The following NAA11 variants were observed in gnomAD, a reference collection of about 807,000 sequenced individuals.
NAA11 encodes the protein N-alpha-acetyltransferase 11.
In NAA11, 15 loss-of-function variants were observed where a neutral mutation model predicts 16.1. The observed-to-expected ratio is 0.93, with a 90% CI of 0.62 to 1.44. The LOEUF is 1.44. Ranked by LOEUF, NAA11 falls within the 40% of genes most tolerant of loss-of-function variation. The probability of loss-of-function intolerance (pLI) is 0.00; values close to 1 mark genes in which losing one functional copy is unlikely to be tolerated. For synonymous variants in NAA11, 122 were observed against 112.4 expected, an observed-to-expected ratio of 1.09 and a Z score of -0.54; for missense variants, 298 against 291.3, an observed-to-expected ratio of 1.02 and a Z score of -0.17.
downstream of NAA11, among the ~76,000 whole-genome samples, chr4:79,314,886 C>T (rs1217404178): frequency 6.6e-6 from 1 of 151,990 alleles, no homozygotes; most frequent in Non-Finnish European, 1.5e-5. Context: ...ACATTTTATA[C>T]TATATACACT....
At chr4:79,280,809 T>TG (rs1324473590) in intron 2 of NAA11, among the ~76,000 whole-genome samples, 2 of 151,892 alleles carry the variant, frequency 1.3e-5, no homozygotes, top group East Asian at 3.9e-4. Flanking sequence ...CTGGACTGAG[T>TG]GGAAGTGTTC....
chr4:79,175,613 C>T, the NAA11 span, among the ~76,000 whole-genome samples: 22 of 152,034 alleles, frequency 1.4e-4, no homozygotes, highest in East Asian at 3.1e-3. Context: ...ACAATAAAAA[C>T]CCATGCAGTT....
At chr4:79,218,398 A>G in the NAA11 span, among the ~76,000 whole-genome samples, 1 of 151,738 alleles carries the variant, frequency 6.6e-6, no homozygotes, top group African/African-American at 2.4e-5. Context: ...TGGTGACTAT[A>G]TATTTAGCTG....
intron 2 of NAA11, among the ~76,000 whole-genome samples, chr4:79,285,119 C>A (rs565638609): frequency 1.3e-5 from 2 of 152,098 alleles, no homozygotes; most frequent in African/African-American, 4.8e-5. Context: ...ACGCTAACAC[C>A]TGTCAGCATG....
intron 1 of NAA11, among the ~76,000 whole-genome samples, chr4:79,309,816 C>T (rs1468324769): frequency 1.4e-5 from 2 of 145,752 alleles, no homozygotes; most frequent in East Asian, 4.6e-4. Flanking sequence ...CCCGGGTTCA[C>T]GCCATTCTTC....
At chr4:79,236,907 A>C (rs1721583349) in intron 2 of NAA11, among the ~76,000 whole-genome samples, 1 of 152,112 alleles carries the variant, frequency 6.6e-6, no homozygotes, top group Admixed American at 6.5e-5. Context: ...CCGCATGCTA[A>C]GTATTATTGA....
At chr4:79,299,606 A>G (rs1723329517) in intron 1 of NAA11, 2 of 152,196 alleles carry the variant, frequency 1.3e-5, no homozygotes, top group South Asian at 4.1e-4. Flanking sequence ...TTTATTATAT[A>G]TCAGTTGACA....
At chr4:79,214,751 T>C in the NAA11 span, among the ~76,000 whole-genome samples, 1 of 152,100 alleles carries the variant, frequency 6.6e-6, no homozygotes, top group Non-Finnish European at 1.5e-5. Context: ...TGAGCCGAGA[T>C]GGCGCCACTG....
At chr4:79,297,150 C>T (rs569246290) in intron 1 of NAA11, among the ~76,000 whole-genome samples, 1 of 152,302 alleles carries the variant, frequency 6.6e-6, no homozygotes, top group East Asian at 1.9e-4. Context: ...TCGCCTGCCA[C>T]CGTTGTGGGG....
chr4:79,266,598 C>T (rs767965020), intron 2 of NAA11, among the ~76,000 whole-genome samples: 1 of 152,206 alleles, frequency 6.6e-6, no homozygotes, highest in Non-Finnish European at 1.5e-5. Context: ...AAAGCTCTCA[C>T]AGAAGCTGAC....
intron 1 of NAA11, among the ~76,000 whole-genome samples, chr4:79,305,890 G>T (rs1723566463): frequency 6.6e-6 from 1 of 151,986 alleles, no homozygotes; most frequent in African/African-American, 2.4e-5. Context: ...CATCCCCTTT[G>T]AAATTAATTA....
intron 2 of NAA11, among the ~76,000 whole-genome samples, chr4:79,266,016 T>C (rs1217307611): frequency 6.6e-6 from 1 of 152,198 alleles, no homozygotes; most frequent in Non-Finnish European, 1.5e-5. Flanking sequence ...GAAAACTCAG[T>C]ATCAACCTCA....
chr4:79,184,720 C>T, the NAA11 span, among the ~76,000 whole-genome samples: 5 of 152,150 alleles, frequency 3.3e-5, no homozygotes, highest in African/African-American at 1.2e-4. Flanking sequence ...ACGCTAGGAA[C>T]TCCCCTTCCC....
the NAA11 span, among the ~76,000 whole-genome samples, chr4:79,169,022 A>G: frequency 6.6e-6 from 1 of 152,212 alleles, no homozygotes; most frequent in Non-Finnish European, 1.5e-5. Context: ...CAAAGGGAAT[A>G]AAATACCTAG....
chr4:79,242,971 A>G (rs924426135), intron 2 of NAA11, among the ~76,000 whole-genome samples: 1 of 152,250 alleles, frequency 6.6e-6, no homozygotes, highest in African/African-American at 2.4e-5. Flanking sequence ...AAGGAAGCCC[A>G]CTGCTTACTG....
chr4:79,189,625 A>C, the NAA11 span, among the ~76,000 whole-genome samples: 1 of 152,178 alleles, frequency 6.6e-6, no homozygotes, highest in Non-Finnish European at 1.5e-5. Flanking sequence ...GTATAGCTGC[A>C]GGTGCACACT....
chr4:79,260,353 A>G lies in NAA11; in HGVS notation c.*122+33652T>C, dbSNP rs548888684. ...TAATGTGAGGATCTTGGAAGGTGGAAAAACTATGCTGCCACCACAGCTGCC... is the reference window on the plus strand; with the variant it reads ...TAATGTGAGGATCTTGGAAGGTGGAGAAACTATGCTGCCACCACAGCTGCC... On this transcript the variant is annotated intron_variant and NMD_transcript_variant, in intron 2 of 2. Coordinates refer to the NAA11 transcript ENST00000511542. Among the ~76,000 whole-genome samples the G allele has an allele frequency of 5.3e-5, 8 of 152,344 alleles. No individual in the cohort carries two copies. The South Asian group carries it at 8.3e-4, about 16-fold the overall frequency.
chr4:79,304,817 C>A (rs910545453), intron 1 of NAA11, among the ~76,000 whole-genome samples: 1 of 151,968 alleles, frequency 6.6e-6, no homozygotes, highest in Non-Finnish European at 1.5e-5. Context: ...ATTTGAGAAC[C>A]CCTCTTGAGC....
the NAA11 span, among the ~76,000 whole-genome samples, chr4:79,170,112 T>C: frequency 6.6e-6 from 1 of 152,232 alleles, no homozygotes; most frequent in Non-Finnish European, 1.5e-5. Context: ...TACAAAGTGA[T>C]GCTAGATCCT....
Sources: gnomAD v4.1 joint callset for allele counts (sites outside exome capture counted in the v4.1 genomes callset) on GRCh38, gnomAD v4.1.1 for gene constraint, MANE v1.5 for transcripts, NCBI Gene and HGNC (gene_info 2026-07-23, HGNC 2026-07-21) for gene names.